DLG2: variants seen among roughly 807,000 people sequenced by gnomAD.
DLG2 encodes disks large homolog 2.
Under a neutral mutation model 132.5 loss-of-function variants are expected in DLG2, and 45 were observed. That is an observed-to-expected ratio of 0.34 (90% CI 0.27 to 0.44). The LOEUF (loss-of-function observed/expected upper bound fraction) is 0.44, where lower values mean the gene tolerates loss of function less well. DLG2 is among the 20% of genes least tolerant of loss of function. The pLI, the probability that DLG2 is intolerant of heterozygous loss-of-function variation, is 1.00. For synonymous variants in DLG2, 424 were observed against 419.6 expected (o/e 1.01, Z -0.13); for missense variants, 1,045 against 1,196.9 (o/e 0.87, Z 1.87).
chr11:84,811,581 A>G (rs2076562649), intron 6 of DLG2, among the ~76,000 whole-genome samples: 1 of 152,156 alleles, frequency 6.6e-6, no homozygotes, highest in Non-Finnish European at 1.5e-5. Context: ...TAGTCTCATC[A>G]TCTTATAAGG....
At chr11:84,396,992 T>G (rs2098813196) in intron 7 of DLG2, among the ~76,000 whole-genome samples, 1 of 152,204 alleles carries the variant, frequency 6.6e-6, no homozygotes, top group African/African-American at 2.4e-5. Flanking sequence ...TCCTTTATCC[T>G]GTATTTATTC....
At chr11:84,846,961 C>T (rs1158087018) in intron 6 of DLG2, among the ~76,000 whole-genome samples, 1 of 152,134 alleles carries the variant, frequency 6.6e-6, no homozygotes, top group Non-Finnish European at 1.5e-5. Flanking sequence ...ATCTCAGCAT[C>T]ACAGTCAGGC....
chr11:84,198,831 G>C (rs893508925), intron 8 of DLG2, among the ~76,000 whole-genome samples: 1 of 152,098 alleles, frequency 6.6e-6, no homozygotes, highest in Admixed American at 6.5e-5. Context: ...AGAAAATCTA[G>C]AGAGTATAAA....
At chr11:85,423,180 G>A (rs1006518823) in intron 3 of DLG2, among the ~76,000 whole-genome samples, 1 of 152,300 alleles carries the variant, frequency 6.6e-6, no homozygotes, top group East Asian at 1.9e-4. Context: ...GTGGCTTCCT[G>A]AGAGCTGAGC....
intron 6 of DLG2, among the ~76,000 whole-genome samples, chr11:84,599,746 A>C (rs1325480383): frequency 1.3e-5 from 2 of 152,072 alleles, no homozygotes; most frequent in African/African-American, 4.8e-5. Flanking sequence ...AGAAATTCCA[A>C]GGGAAGCCAG....
intron 17 of DLG2, among the ~76,000 whole-genome samples, chr11:83,810,723 T>C (rs2047042235): frequency 6.6e-6 from 1 of 152,116 alleles, no homozygotes; most frequent in South Asian, 2.1e-4. Context: ...CCTTTTCCCA[T>C]GCAAAAGTCA....
At chr11:83,840,620 C>T (rs1267964710) in intron 16 of DLG2, among the ~76,000 whole-genome samples, 2 of 152,162 alleles carry the variant, frequency 1.3e-5, no homozygotes, top group African/African-American at 4.8e-5. Flanking sequence ...GACAGATTCT[C>T]TAATTTTTAA....
At chr11:83,561,883 C>CTTTTTTTTTTTTTTTTTTTTTTTTT in intron 19 of DLG2, among the ~76,000 whole-genome samples, 1 of 87,966 alleles carries the variant, frequency 1.1e-5, no homozygotes, top group Non-Finnish European at 2.1e-5. Flanking sequence ...GTATTTCTTT[C>CTTTTTTTTTTTTTTTTTTTTTTTTT]TTTTTTTTTT....
At chr11:84,430,102 T>G (rs2098979592) in intron 7 of DLG2, among the ~76,000 whole-genome samples, 1 of 152,162 alleles carries the variant, frequency 6.6e-6, no homozygotes, top group South Asian at 2.1e-4. Context: ...TTGTGACCTA[T>G]GGCAAAATCC....
chr11:83,982,135 A>G (rs2092835534), intron 11 of DLG2, among the ~76,000 whole-genome samples: 1 of 152,216 alleles, frequency 6.6e-6, no homozygotes. Context: ...TAAACAATAA[A>G]TAATACTTGA....
chr11:84,373,523 T>C (rs1033872124), intron 7 of DLG2, among the ~76,000 whole-genome samples: 8 of 152,082 alleles, frequency 5.3e-5, no homozygotes, highest in African/African-American at 1.4e-4. Context: ...TGAGCCAAGA[T>C]TGTGCCATTG....
At chr11:84,141,667 T>C (rs1294729202) in intron 9 of DLG2, among the ~76,000 whole-genome samples, 1 of 152,166 alleles carries the variant, frequency 6.6e-6, no homozygotes, top group Non-Finnish European at 1.5e-5. Flanking sequence ...TAGTTAACAT[T>C]CTATTAGTGG....
At chr11:83,679,673 A>C (rs1288111771) in intron 18 of DLG2, among the ~76,000 whole-genome samples, 1 of 152,228 alleles carries the variant, frequency 6.6e-6, no homozygotes, top group Non-Finnish European at 1.5e-5. Flanking sequence ...AATGAGTTAA[A>C]GTATTTGACA....
intron 3 of DLG2, among the ~76,000 whole-genome samples, chr11:85,287,840 C>G (rs953999850): frequency 6.6e-6 from 1 of 151,956 alleles, no homozygotes; most frequent in Non-Finnish European, 1.5e-5. Context: ...AACTATATAT[C>G]TTAGAAAAAT....
chr11:84,205,099 T>G (rs1043406044), intron 8 of DLG2, among the ~76,000 whole-genome samples: 1 of 152,146 alleles, frequency 6.6e-6, no homozygotes, highest in Non-Finnish European at 1.5e-5. Context: ...ACTGCGTTAT[T>G]AAAGGAGATG....
chr11:83,789,859 A>C, intron 17 of DLG2: 1 of 477,322 alleles, frequency 2.1e-6, no homozygotes, highest in Non-Finnish European at 3.5e-6. Context: ...TTATACATAA[A>C]AGTGAAATAG....
chr11:84,325,685 C>A (rs370542548), intron 7 of DLG2, among the ~76,000 whole-genome samples: 1 of 152,176 alleles, frequency 6.6e-6, no homozygotes, highest in South Asian at 2.1e-4. Context: ...CATCTATATT[C>A]ATTGACGATA....
chr11:84,328,900 T>C (rs1378780624), intron 7 of DLG2, among the ~76,000 whole-genome samples: 1 of 152,224 alleles, frequency 6.6e-6, no homozygotes, highest in Non-Finnish European at 1.5e-5. Flanking sequence ...GCTTTTGTAT[T>C]TATGCATTTT....
At chr11:83,530,291 T>G (rs1439386778) in intron 21 of DLG2, among the ~76,000 whole-genome samples, 3 of 152,100 alleles carry the variant, frequency 2.0e-5, no homozygotes, top group Admixed American at 6.6e-5. Context: ...AATTTTCATT[T>G]CATTTGAATA....
Sources: allele counts gnomAD v4.1 joint callset (sites outside exome capture counted in the v4.1 genomes callset), GRCh38; gene constraint gnomAD v4.1.1; transcripts MANE v1.5; gene names NCBI Gene and HGNC (gene_info 2026-07-23, HGNC 2026-07-21).